Variants in SS18L1 observed in about 807,000 individuals in gnomAD.
SS18L1 encodes SS18L1 subunit of BAF chromatin remodeling complex.
SS18L1 carries 32 observed loss-of-function variants against 70.3 expected under a neutral mutation model. The ratio of observed to expected loss-of-function variants is 0.46; its 90% CI spans 0.34 to 0.61. The LOEUF is 0.61. Ranked by LOEUF, SS18L1 falls within the 20% of genes least tolerant of loss-of-function variation. The pLI is 0.01. For synonymous variants in SS18L1, 237 were observed against 229.7 expected (o/e 1.03, Z -0.29); for missense variants, 430 against 542.1 (o/e 0.79, Z 2.05).
At chr20:62,157,232 C>T (rs71323572) in intron 1 of SS18L1, among the ~76,000 whole-genome samples, 26 of 152,312 alleles carry the variant, frequency 1.7e-4, no homozygotes, top group African/African-American at 6.0e-4. Flanking sequence ...CTCCCCACTT[C>T]TACCAACCAC....
rs781202750 is a variant in SS18L1 at position 62,159,947 on chromosome 20, T to A, written c.217T>A (p.Ser73Thr). The change falls in exon 3 of 11, where the codon TCC (serine) becomes ACC (threonine). Residue 73 changes from serine to threonine, a missense_variant. By Grantham distance (58) the Ser-to-Thr change is moderately conservative. Transcript: ENST00000331758. This position sits in a 1 kb window ranked among gnomAD's most constrained non-coding sequence, Gnocchi z 4.4. Reference sequence around the variant, plus strand: ...CGCAGACTCCAACCAGAACATGCAGTCCCTGCTTCCTGCCGTGAGTACCCA... The same window carrying A: ...CGCAGACTCCAACCAGAACATGCAGACCCTGCTTCCTGCCGTGAGTACCCA... Reference protein sequence around the residue: ...TIADSNQNMQSLLPAPPTQNM... With the variant: ...TIADSNQNMQTLLPAPPTQNM... 9 of 1,611,790 alleles carry A rather than the reference T, an allele frequency of 5.6e-6. No individual in the cohort carries two copies. In the South Asian group the frequency reaches 8.8e-5, roughly 16 times the overall value.
intron 6 of SS18L1, 114 bp from the exon 7 acceptor site, chr20:62,164,031 C>T: frequency 1.2e-6 from 1 of 840,008 alleles, no homozygotes; most frequent in Non-Finnish European, 1.9e-6. Context: ...GTGGGGTGTT[C>T]TCCTCGGGTG....
intron 4 of SS18L1, among the ~76,000 whole-genome samples, chr20:62,162,161 G>A (rs2057341516): frequency 6.6e-6 from 1 of 152,230 alleles, no homozygotes; most frequent in African/African-American, 2.4e-5. Context: ...TTGGGAGGGT[G>A]AGGCTGAAGT....
chr20:62,149,155 C>T (rs1474902873), intron 1 of SS18L1, among the ~76,000 whole-genome samples: 7 of 152,364 alleles, frequency 4.6e-5, no homozygotes, highest in South Asian at 4.1e-4. Context: ...GGCAGTGTCA[C>T]GCCCGTCCCC....
At chr20:62,178,650 C>T (rs918528159) in intron 10 of SS18L1, among the ~76,000 whole-genome samples, 1 of 152,150 alleles carries the variant, frequency 6.6e-6, no homozygotes, top group African/African-American at 2.4e-5. Flanking sequence ...TGGGCTCAAG[C>T]GATCCTCCCA....
intron 9 of SS18L1, among the ~76,000 whole-genome samples, chr20:62,173,995 GGTGACAGA>G (rs2057576275): frequency 2.0e-5 from 3 of 151,728 alleles, no homozygotes; most frequent in African/African-American, 7.3e-5. Flanking sequence ...GCCTGGCTTG[GGTGACAGA>G]GTGACACCCT....
chr20:62,149,716 A>G (rs1254319161), intron 1 of SS18L1, among the ~76,000 whole-genome samples: 1 of 152,350 alleles, frequency 6.6e-6, no homozygotes, highest in South Asian at 2.1e-4. Context: ...GTAATTGGTC[A>G]GCTTTAGCCT....
At position 62,161,746 on chromosome 20, in the gene SS18L1, C is replaced by T. The variant is rs917413614; in HGVS notation, c.376+166C>T. 2.0e-5 allele frequency among the ~76,000 whole-genome samples: 3 copies of T among 152,232 alleles called. No homozygotes were observed. Among genetic ancestry groups the T allele is most frequent in the Admixed American group, 2.0e-4 (3 of 15,278 alleles). On this transcript the variant is annotated intron_variant, in intron 4 of 10. Coordinates refer to ENST00000331758, the MANE Select transcript of SS18L1 (RefSeq NM_198935.3). This position sits in a 1 kb window ranked among gnomAD's most constrained non-coding sequence, Gnocchi z 4.4. ...GGCTGCCATCGCCCAGGCTCAGGGCCGCAGCGAGCGTGCCGTGCGGCTGGG... is the reference window on the plus strand; with the variant it reads ...GGCTGCCATCGCCCAGGCTCAGGGCTGCAGCGAGCGTGCCGTGCGGCTGGG...
At chr20:62,164,557 T>C (rs2057393668) in intron 7 of SS18L1, among the ~76,000 whole-genome samples, 1 of 152,234 alleles carries the variant, frequency 6.6e-6, no homozygotes, top group Admixed American at 6.5e-5. Flanking sequence ...TTGTAGCTCC[T>C]AGCTGTAGAT....
At chr20:62,175,439 G>C in intron 10 of SS18L1, 2 of 985,378 alleles carry the variant, frequency 2.0e-6, no homozygotes, top group Non-Finnish European at 2.4e-6. Flanking sequence ...AGGAGAATGA[G>C]CCAGGCAAGG....
At chr20:62,178,293 G>A (rs945716721) in intron 10 of SS18L1, among the ~76,000 whole-genome samples, 6 of 150,866 alleles carry the variant, frequency 4.0e-5, no homozygotes, top group South Asian at 4.2e-4. Context: ...TTACAGGCAC[G>A]TGCCACTACC....
chr20:62,179,324 G>A lies in SS18L1; in HGVS notation c.*116G>A, dbSNP rs888226406. 1.4e-5 allele frequency: 16 copies of A among 1,154,388 alleles called. No homozygotes were observed. In the Admixed American group the frequency reaches 1.6e-4, roughly 12 times the overall value. The allele number at this position is 1,154,388 out of a possible 1,614,324, so 71.5% of individuals were successfully genotyped here. ...TGGTTACCTGTTCGCCCAGTGCCAC[G>A]TCTGCATGTGAAGCGTGCTCATTTC... is the stretch of plus-strand genomic sequence containing the variant. On this transcript the variant is annotated 3_prime_UTR_variant, in exon 11 of 11. Coordinates refer to ENST00000331758, the MANE Select transcript of SS18L1 (RefSeq NM_198935.3).
intron 1 of SS18L1, among the ~76,000 whole-genome samples, chr20:62,144,828 A>G (rs768637807): frequency 2.6e-5 from 4 of 152,234 alleles, no homozygotes; most frequent in South Asian, 2.1e-4. Flanking sequence ...TTGGAATGAC[A>G]TTGGTTTTTT....
Position 62,181,689 on chromosome 20 carries a change from G to A in SS18L1, c.*2481G>A. ...TATATTTAATGATTAATAACAGAAT[G>A]TTTATTTAATGTGCTGTCCATTTTT... On this transcript the variant is annotated 3_prime_UTR_variant, in exon 11 of 11. Coordinates refer to ENST00000331758, the MANE Select transcript of SS18L1 (RefSeq NM_198935.3). The A allele has an allele frequency of 4.6e-6, 1 of 219,646 alleles. No homozygotes were observed. Among genetic ancestry groups the A allele is most frequent in the Non-Finnish European group, 9.1e-6 (1 of 109,294 alleles). 13.6% of individuals were successfully genotyped at this position (219,646 alleles called of 1,614,324 possible).
Position 62,161,498 on chromosome 20 carries a change from C to T in SS18L1, c.294C>T (p.Gly98=), listed in dbSNP as rs747234534. ...TGACTCAGAGCGGCTCCAGCCAGGG[C>T]CTGCACTCTCAGGGCAGCCTGAGTG... ...GALTQSGSSQ[G]LHSQGSLSDA... Residue 98 remains glycine, a synonymous_variant, in exon 4 of 11, where the codon GGC becomes GGT. Coordinates refer to ENST00000331758, the MANE Select transcript of SS18L1 (RefSeq NM_198935.3). This position sits in a 1 kb window ranked among gnomAD's most constrained non-coding sequence, Gnocchi z 4.4. The T allele has an allele frequency of 1.5e-5, 24 of 1,612,754 alleles. No individual in the cohort carries two copies. In the African/African-American group the frequency reaches 2.9e-4, roughly 20 times the overall value.
chr20:62,145,698 ACC>A (rs2057012767), intron 1 of SS18L1, among the ~76,000 whole-genome samples: 1 of 152,192 alleles, frequency 6.6e-6, no homozygotes, highest in Non-Finnish European at 1.5e-5. Context: ...CAGCCTGCTG[ACC>A]ATTGGAAATA....
At chr20:62,144,525 G>A (rs1044270015) in intron 1 of SS18L1, among the ~76,000 whole-genome samples, 17 of 152,234 alleles carry the variant, frequency 1.1e-4, no homozygotes, top group Non-Finnish European at 2.2e-4. Context: ...GCCCCGTAGG[G>A]AGCGCACCGC....
At chr20:62,149,071 G>A (rs943596160) in intron 1 of SS18L1, among the ~76,000 whole-genome samples, 74 of 152,366 alleles carry the variant, frequency 4.9e-4, no homozygotes, top group African/African-American at 1.7e-3. Flanking sequence ...CCAGTGGGTC[G>A]GGGCCTGGGC....
chr20:62,147,933 CCT>C (rs2057060708), intron 1 of SS18L1, among the ~76,000 whole-genome samples: 1 of 152,154 alleles, frequency 6.6e-6, no homozygotes, highest in Non-Finnish European at 1.5e-5. Flanking sequence ...CAGTGGGCAC[CCT>C]GTGTGCTCCC....
Sources: allele counts gnomAD v4.1 joint callset (sites outside exome capture counted in the v4.1 genomes callset), GRCh38; gene constraint gnomAD v4.1.1; non-coding constraint Gnocchi (gnomAD v3.1); transcripts MANE v1.5; gene names NCBI Gene and HGNC (gene_info 2026-07-23, HGNC 2026-07-21).